Variants in TSPAN14 observed in about 807,000 individuals in gnomAD.
The protein encoded by TSPAN14 is tetraspanin 14, also known as tetraspanin-14.
TSPAN14 carries 16 observed loss-of-function variants against 36.6 expected under a neutral mutation model. That is an observed-to-expected ratio of 0.44 (90% CI 0.30 to 0.66). TSPAN14 has a LOEUF of 0.66. TSPAN14 is among the 30% of genes least tolerant of loss of function. The pLI is 0.12. For synonymous variants in TSPAN14, 139 were observed against 143.8 expected (o/e 0.97, Z 0.24); for missense variants, 231 against 355.1 (o/e 0.65, Z 2.81).
At chr10:80,492,741 G>A (rs886238045) in intron 2 of TSPAN14, among the ~76,000 whole-genome samples, 4 of 152,070 alleles carry the variant, frequency 2.6e-5, no homozygotes, top group Admixed American at 6.5e-5. Flanking sequence ...GCGTGAACCC[G>A]GGAGGCGGAG....
At chr10:80,473,634 TAA>T (rs995434698) in intron 1 of TSPAN14, among the ~76,000 whole-genome samples, 4 of 151,124 alleles carry the variant, frequency 2.6e-5, no homozygotes, top group African/African-American at 7.3e-5. Flanking sequence ...CTTCCCACAG[TAA>T]AGAGTCAAAC....
chr10:80,455,118 A>T (rs2131941963), intron 1 of TSPAN14, among the ~76,000 whole-genome samples: 1 of 151,760 alleles, frequency 6.6e-6, no homozygotes, highest in Middle Eastern at 3.4e-3. Flanking sequence ...CTTCTCCTCC[A>T]CCCCCAGGGG....
chr10:80,475,356 A>C (rs147069226), intron 1 of TSPAN14, among the ~76,000 whole-genome samples: 1 of 152,200 alleles, frequency 6.6e-6, no homozygotes, highest in Non-Finnish European at 1.5e-5. Flanking sequence ...CTCTTGAGCC[A>C]GGGGTTTGAG....
chr10:80,480,969 G>A (rs1386529933), intron 1 of TSPAN14, among the ~76,000 whole-genome samples: 1 of 152,138 alleles, frequency 6.6e-6, no homozygotes, highest in African/African-American at 2.4e-5. Context: ...AGCTGGGCGT[G>A]GTGGTGCATG....
Position 80,455,128 on chromosome 10 carries a change from G to C in TSPAN14, c.-18+757G>C, listed in dbSNP as rs1158523405. 3.3e-5 allele frequency among the ~76,000 whole-genome samples: 5 copies of C among 152,210 alleles called. No homozygotes were observed. In the East Asian group the frequency reaches 9.6e-4, roughly 29 times the overall value. ...TGCTGCTTCTCCTCCACCCCCAGGG[G>C]TGGGGTGCGGGTGGGTAGGAAGTGC... On this transcript the variant is annotated intron_variant, in intron 1 of 8. Transcript: ENST00000429989.
chr10:80,482,901 A>G (rs1001672780), intron 1 of TSPAN14, among the ~76,000 whole-genome samples: 4 of 150,018 alleles, frequency 2.7e-5, no homozygotes, highest in African/African-American at 9.8e-5. Flanking sequence ...ACGCCTGGCT[A>G]ATTTTGTATT....
At chr10:80,483,405 T>C (rs1847401606) in intron 1 of TSPAN14, among the ~76,000 whole-genome samples, 1 of 152,234 alleles carries the variant, frequency 6.6e-6, no homozygotes, top group African/African-American at 2.4e-5. Context: ...TGTCTCATAA[T>C]TGCAAACCAT....
chr10:80,489,384 C>A, intron 2 of TSPAN14, 70 bp downstream of exon 2: 1 of 1,121,346 alleles, frequency 8.9e-7, no homozygotes, highest in Non-Finnish European at 1.3e-6. Flanking sequence ...TTTCCACACA[C>A]TCTTGATTTG....
chr10:80,455,717 C>T (rs996973183), intron 1 of TSPAN14, among the ~76,000 whole-genome samples: 1 of 152,082 alleles, frequency 6.6e-6, no homozygotes, highest in African/African-American at 2.4e-5. Flanking sequence ...GGCCCTGGCA[C>T]CCCCAGAATG....
intron 1 of TSPAN14, among the ~76,000 whole-genome samples, chr10:80,476,333 G>T (rs1247182532): frequency 6.6e-6 from 1 of 151,820 alleles, no homozygotes; most frequent in Admixed American, 6.6e-5. Flanking sequence ...TTGCGCCATT[G>T]CACTTGAGCC....
chr10:80,496,642 G>A (rs539756051), intron 2 of TSPAN14, among the ~76,000 whole-genome samples: 10 of 152,122 alleles, frequency 6.6e-5, no homozygotes, highest in South Asian at 6.2e-4. Flanking sequence ...ACAGAGGCTC[G>A]GTTTAGTTTT....
chr10:80,468,852 G>T (rs1169361190), intron 1 of TSPAN14, among the ~76,000 whole-genome samples: 6 of 151,614 alleles, frequency 4.0e-5, no homozygotes, highest in Non-Finnish European at 5.9e-5. Context: ...AAGCCACCAT[G>T]CCCGGCCTGA....
intron 1 of TSPAN14, among the ~76,000 whole-genome samples, chr10:80,455,523 C>T (rs1845696204): frequency 6.6e-6 from 1 of 152,100 alleles, no homozygotes; most frequent in African/African-American, 2.4e-5. Flanking sequence ...TCAAAAGTAG[C>T]CTTCCCCTTG....
At position 80,509,282 on chromosome 10, in the gene TSPAN14, C is replaced by G; in HGVS notation, c.280-19C>G. The G allele has an allele frequency of 6.2e-7, 1 of 1,609,782 alleles. No homozygotes were observed. Among genetic ancestry groups the G allele is most frequent in the Non-Finnish European group, 8.5e-7 (1 of 1,178,088 alleles). ...GCTGGTGGGGTGGTGACTTCTGCTC[C>G]CGTCCCCTTCCCCTGCAGTTCTGTG... On this transcript the variant is annotated intron_variant, in intron 4 of 8. Transcript: ENST00000429989. The surrounding 1 kb of genome is among the most constrained non-coding windows in gnomAD (Gnocchi z 4.7).
exon 9 of TSPAN14, chr10:80,518,594 G>C: frequency 6.5e-6 from 1 of 154,288 alleles, no homozygotes; most frequent in Admixed American, 6.4e-5. Context: ...GCGTGGACTG[G>C]TGCCACGGGA....
In TSPAN14 at chr10:80,509,453, C is replaced by T. The variant is rs1427913194; in HGVS notation, c.432C>T (p.Ile144=). 8 of 1,613,752 alleles carry T rather than the reference C, an allele frequency of 5.0e-6. No individual in the cohort carries two copies. Among genetic ancestry groups the T allele is most frequent in the South Asian group, 4.4e-5 (4 of 91,062 alleles). Residue 144 remains isoleucine, a synonymous_variant, in exon 5 of 9, where the codon ATC becomes ATT. Coordinates refer to ENST00000429989, the Ensembl canonical transcript of TSPAN14. This position sits in a 1 kb window ranked among gnomAD's most constrained non-coding sequence, Gnocchi z 4.7. ...ACGATATCGATCTGCAAAACCTCATCGACTCCCTTCAGAAAGCTGTAAGCA... is the reference window on the plus strand; with the variant it reads ...ACGATATCGATCTGCAAAACCTCATTGACTCCCTTCAGAAAGCTGTAAGCA...
intron 1 of TSPAN14, among the ~76,000 whole-genome samples, chr10:80,461,005 T>C (rs1190596637): frequency 6.6e-6 from 1 of 152,192 alleles, no homozygotes; most frequent in Non-Finnish European, 1.5e-5. Flanking sequence ...TGCTGCCTTC[T>C]AGCCGGAGCT....
At chr10:80,490,530 G>A (rs1847870148) in intron 2 of TSPAN14, among the ~76,000 whole-genome samples, 1 of 152,172 alleles carries the variant, frequency 6.6e-6, no homozygotes, top group African/African-American at 2.4e-5. Flanking sequence ...CATGGTGCAG[G>A]GAGGTGAAGA....
At chr10:80,462,422 C>G (rs7100689) in intron 1 of TSPAN14, among the ~76,000 whole-genome samples, 1 of 150,710 alleles carries the variant, frequency 6.6e-6, no homozygotes, top group Non-Finnish European at 1.5e-5. Context: ...TCTGTTTATG[C>G]AGCACTCCCT....
Sources: allele counts gnomAD v4.1 joint callset (sites outside exome capture counted in the v4.1 genomes callset), GRCh38; gene constraint gnomAD v4.1.1; non-coding constraint Gnocchi (gnomAD v3.1); transcripts MANE v1.5; gene names NCBI Gene and HGNC (gene_info 2026-07-23, HGNC 2026-07-21).